The following CPPED1 variants were observed in gnomAD, a reference collection of about 807,000 sequenced individuals.
CPPED1 encodes calcineurin like phosphoesterase domain containing 1, also known as serine/threonine-protein phosphatase CPPED1.
In CPPED1, 28 loss-of-function variants were observed where a neutral mutation model predicts 28.0. The ratio of observed to expected loss-of-function variants is 1.00; its 90% CI spans 0.74 to 1.37. CPPED1 has a LOEUF of 1.37. CPPED1 is among the 40% of genes most tolerant of loss of function. CPPED1 has a pLI of 0.00. For missense variants in CPPED1, 504 were observed against 416.5 expected (o/e 1.21, Z -1.83); for synonymous variants, 198 against 180.2 (o/e 1.10, Z -0.79).
intron 3 of CPPED1, among the ~76,000 whole-genome samples, chr16:12,687,663 C>T (rs1046627164): frequency 1.1e-4 from 17 of 152,074 alleles, no homozygotes; most frequent in African/African-American, 1.7e-4. Flanking sequence ...CCCAGCTACT[C>T]GGAAGGCTGA....
chr16:12,703,520 A>G (rs898395801), intron 3 of CPPED1, among the ~76,000 whole-genome samples: 4 of 152,124 alleles, frequency 2.6e-5, no homozygotes, highest in African/African-American at 9.7e-5. Context: ...CATCTCTACT[A>G]AAAGTACAAA....
At chr16:12,689,985 C>G (rs2079953848) in intron 3 of CPPED1, among the ~76,000 whole-genome samples, 1 of 152,244 alleles carries the variant, frequency 6.6e-6, no homozygotes, top group Non-Finnish European at 1.5e-5. Flanking sequence ...TTATCAAACA[C>G]AAGTTGAAAT....
At chr16:12,665,652 A>G (rs58144239) in intron 3 of CPPED1, among the ~76,000 whole-genome samples, 10,967 of 152,144 alleles carry the variant, frequency 0.072, 1,196 homozygotes, top group African/African-American at 0.24. Context: ...AAAAATGACC[A>G]GGTGTGGTGG....
chr16:12,749,641 G>C (rs2080314281), intron 2 of CPPED1, among the ~76,000 whole-genome samples: 1 of 152,210 alleles, frequency 6.6e-6, no homozygotes, highest in African/African-American at 2.4e-5. Flanking sequence ...CCAGGCTAGA[G>C]TGTAGTGGTG....
chr16:12,762,049 G>A (rs1460361498), intron 2 of CPPED1, among the ~76,000 whole-genome samples: 1 of 151,592 alleles, frequency 6.6e-6, no homozygotes, highest in Admixed American at 6.6e-5. Flanking sequence ...CAGCACCATA[G>A]GAAAGGTAAA....
intron 2 of CPPED1, among the ~76,000 whole-genome samples, chr16:12,723,963 C>G (rs1198186681): frequency 6.6e-6 from 1 of 152,132 alleles, no homozygotes; most frequent in Non-Finnish European, 1.5e-5. Flanking sequence ...CATACCCAGC[C>G]ACCACCATGT....
intron 2 of CPPED1, among the ~76,000 whole-genome samples, chr16:12,726,770 C>T (rs2080172187): frequency 6.6e-6 from 1 of 152,032 alleles, no homozygotes. Context: ...GTTGGCACCA[C>T]TGTACTCCAG....
chr16:12,719,347 C>A (rs1243082803), intron 2 of CPPED1, among the ~76,000 whole-genome samples: 1 of 150,416 alleles, frequency 6.6e-6, no homozygotes, highest in Middle Eastern at 3.5e-3. Context: ...GCCGAGATAG[C>A]GCCACTGCAT....
At chr16:12,673,035 GA>G (rs199580956) in intron 3 of CPPED1, among the ~76,000 whole-genome samples, 10 of 150,976 alleles carry the variant, frequency 6.6e-5, no homozygotes, top group African/African-American at 1.9e-4. Flanking sequence ...AAAGAAAAGA[GA>G]AAAAAAAAGA....
intron 2 of CPPED1, among the ~76,000 whole-genome samples, chr16:12,756,571 G>C (rs2080370415): frequency 6.6e-6 from 1 of 152,228 alleles, no homozygotes; most frequent in African/African-American, 2.4e-5. Flanking sequence ...CACAGGCATG[G>C]TGGAGCACAC....
chr16:12,750,860 C>T (rs2080323439), intron 2 of CPPED1, among the ~76,000 whole-genome samples: 1 of 151,988 alleles, frequency 6.6e-6, no homozygotes, highest in Admixed American at 6.6e-5. Flanking sequence ...ACCAGCTACT[C>T]GGGAGGCTGA....
chr16:12,744,801 T>G (rs1374763449), intron 2 of CPPED1, among the ~76,000 whole-genome samples: 1 of 152,114 alleles, frequency 6.6e-6, no homozygotes, highest in African/African-American at 2.4e-5. Context: ...CTGGGCAACA[T>G]GGCAAAACAC....
chr16:12,685,538 A>G (rs2079928285), intron 3 of CPPED1, among the ~76,000 whole-genome samples: 1 of 152,082 alleles, frequency 6.6e-6, no homozygotes, highest in South Asian at 2.1e-4. Context: ...ATGCGTTTAA[A>G]CCCCTGGCAC....
chr16:12,764,630 C>T (rs1005090492), intron 2 of CPPED1, among the ~76,000 whole-genome samples: 1 of 152,196 alleles, frequency 6.6e-6, no homozygotes, highest in African/African-American at 2.4e-5. Flanking sequence ...TGAGCCACTG[C>T]GCCTGGCCTG....
intron 2 of CPPED1, among the ~76,000 whole-genome samples, chr16:12,772,284 G>C (rs1186490163): frequency 1.3e-5 from 2 of 152,064 alleles, no homozygotes; most frequent in African/African-American, 2.4e-5. Context: ...AAGTTTTCAG[G>C]TCTCACTGGG....
chr16:12,689,217 C>CTTTTTTTTTTTTT (rs869107040), intron 3 of CPPED1, among the ~76,000 whole-genome samples: 3 of 83,596 alleles, frequency 3.6e-5, no homozygotes, highest in Admixed American at 1.5e-4. Flanking sequence ...GAAAAGAGGG[C>CTTTTTTTTTTTTT]TTTTTTTTTT....
At chr16:12,790,478 C>T (rs1336690694) in intron 1 of CPPED1, among the ~76,000 whole-genome samples, 7 of 152,266 alleles carry the variant, frequency 4.6e-5, no homozygotes, top group African/African-American at 1.7e-4. Context: ...TAGGAAAAGG[C>T]CTGGGGGCCA....
chr16:12,760,981 C>T (rs966840575), intron 2 of CPPED1: 1 of 152,242 alleles, frequency 6.6e-6, no homozygotes, highest in Middle Eastern at 3.4e-3. Flanking sequence ...GCATCTTAGG[C>T]TGGCTGTCAT....
At chr16:12,722,255 C>T (rs913375231) in intron 2 of CPPED1, among the ~76,000 whole-genome samples, 2 of 152,170 alleles carry the variant, frequency 1.3e-5, no homozygotes, top group African/African-American at 4.8e-5. Context: ...GAGTGGACTT[C>T]CCAGCTCAAT....
Sources: gnomAD v4.1 joint callset for allele counts (sites outside exome capture counted in the v4.1 genomes callset) on GRCh38, gnomAD v4.1.1 for gene constraint, MANE v1.5 for transcripts, NCBI Gene and HGNC (gene_info 2026-07-23, HGNC 2026-07-21) for gene names.